Variants in ANKRD7 observed in about 807,000 individuals in gnomAD.
The protein encoded by ANKRD7 is ankyrin repeat domain-containing protein 7.
In ANKRD7, 30 loss-of-function variants were observed where a neutral mutation model predicts 30.8. That is an observed-to-expected ratio of 0.97 (90% CI 0.73 to 1.32). ANKRD7 has a LOEUF of 1.32. ANKRD7 is among the 40% of genes most tolerant of loss of function. The probability of loss-of-function intolerance (pLI) is 0.00; values close to 1 mark genes in which losing one functional copy is unlikely to be tolerated. For synonymous variants in ANKRD7, 97 were observed against 106.6 expected (o/e 0.91, Z 0.55); for missense variants, 264 against 295.7 (o/e 0.89, Z 0.79).
chr7:118,234,592 C>T (rs774528541), intron 2 of ANKRD7, 47 bp downstream of exon 2: 4 of 1,558,420 alleles, frequency 2.6e-6, no homozygotes, highest in South Asian at 1.2e-5. Context: ...TTGAGTTCTC[C>T]TAGTTAATTT....
At chr7:118,232,937 G>A (rs926396056) in intron 1 of ANKRD7, among the ~76,000 whole-genome samples, 4 of 151,982 alleles carry the variant, frequency 2.6e-5, no homozygotes. Flanking sequence ...ATCTTTGGTG[G>A]GCTTAAAGCT....
intron 5 of ANKRD7, among the ~76,000 whole-genome samples, chr7:118,239,012 A>G (rs1463475814): frequency 3.3e-5 from 5 of 152,124 alleles, no homozygotes; most frequent in Admixed American, 1.3e-4. Context: ...TAAAAAGGGG[A>G]GGTTAGAACA....
intron 1 of ANKRD7, among the ~76,000 whole-genome samples, chr7:118,225,346 G>A (rs2115989507): frequency 6.6e-6 from 1 of 152,166 alleles, no homozygotes; most frequent in South Asian, 2.1e-4. Context: ...AAATTAGTGG[G>A]GCGTGGTGGC....
intron 6 of ANKRD7, among the ~76,000 whole-genome samples, chr7:118,241,879 C>T (rs1809853909): frequency 6.6e-6 from 1 of 152,092 alleles, no homozygotes; most frequent in Non-Finnish European, 1.5e-5. Flanking sequence ...TTCCTCTTCT[C>T]CTGCACCTCT....
chr7:118,241,782 G>A (rs1420455782), intron 6 of ANKRD7, among the ~76,000 whole-genome samples: 2 of 151,826 alleles, frequency 1.3e-5, no homozygotes, highest in Non-Finnish European at 1.5e-5. Context: ...CAGGTGATCC[G>A]CCAGCCTCGG....
chr7:118,229,275 A>T lies in ANKRD7; in HGVS notation c.179+4266A>T, dbSNP rs796235560. Among the ~76,000 whole-genome samples, 13 of 151,966 alleles carry T rather than the reference A, an allele frequency of 8.6e-5. No homozygotes were observed. In the South Asian group the frequency reaches 1.0e-3, roughly 12 times the overall value. ...GTGAGGGCTTCCCTGGCTACTCTTT[A>T]CCTACAGTTGTACCCTTTCTCCTCA... On this transcript the variant is annotated intron_variant, in intron 1 of 6. Transcript: ENST00000265224.
Position 118,234,806 on chromosome 7 carries a change from T to G in ANKRD7, c.400T>G (p.Cys134Gly). 6 of 1,612,766 alleles carry G rather than the reference T, an allele frequency of 3.7e-6. No homozygotes were observed. The highest frequency in any genetic ancestry group is 5.1e-6 in the Non-Finnish European group (6 of 1,179,674). ...RYNTVLHYAVCGQSLSLVEKL... is the reference protein window; with the variant it reads ...RYNTVLHYAVGGQSLSLVEKL... ...TAATACTGTTCTTCACTATGCTGTT[T>G]GTGGTCAAAGTTTGTCATTAGTTGA... is the stretch of plus-strand genomic sequence containing the variant. Residue 134 changes from cysteine to glycine, a missense_variant, in exon 3 of 7, where the codon TGT becomes GGT. Coordinates refer to ENST00000265224, the MANE Select transcript of ANKRD7 (RefSeq NM_019644.4).
chr7:118,225,086 G>A, intron 1 of ANKRD7, 77 bp downstream of exon 1: 2 of 1,511,060 alleles, frequency 1.3e-6, no homozygotes. Context: ...ACAAGTGGGG[G>A]CTGTTTGACA....
chr7:118,226,784 G>A (rs1157127950), intron 1 of ANKRD7, among the ~76,000 whole-genome samples: 1 of 152,048 alleles, frequency 6.6e-6, no homozygotes. Context: ...TAGGCTACAT[G>A]TTTCATCTGC....
intron 1 of ANKRD7, 114 bp downstream of exon 1, chr7:118,225,123 G>C (rs1030624821): frequency 5.7e-6 from 7 of 1,219,684 alleles, no homozygotes; most frequent in Non-Finnish European, 8.0e-6. Context: ...GTTTCCCAAA[G>C]AAGAGAGATT....
intron 1 of ANKRD7, among the ~76,000 whole-genome samples, chr7:118,231,365 G>A (rs538200877): frequency 3.6e-4 from 55 of 152,092 alleles, no homozygotes; most frequent in African/African-American, 1.2e-3. Flanking sequence ...TAATAAAAAA[G>A]CCCTTAAGAT....
At position 118,224,753 on chromosome 7, in the gene ANKRD7, A is replaced by C. The variant is rs1809508865; in HGVS notation, c.-78A>C. Reference sequence around the variant, plus strand: ...TGGAGAGGGCTGCCGGCCGGATGCCAGGGCAGAGGGGCAGGGCGGACGGCT... The same window carrying C: ...TGGAGAGGGCTGCCGGCCGGATGCCCGGGCAGAGGGGCAGGGCGGACGGCT... On this transcript the variant is annotated 5_prime_UTR_variant, in exon 1 of 7. Transcript: ENST00000265224. 1 of 1,529,050 alleles carries C rather than the reference A, an allele frequency of 6.5e-7. No homozygotes were observed. 94.7% of individuals were successfully genotyped at this position (1,529,050 alleles called of 1,614,324 possible).
chr7:118,237,362 C>T lies in ANKRD7; in HGVS notation c.712+436C>T, dbSNP rs188197307. ...AGTGTTCAGAATTCTAAAGTACACT[C>T]TATTTACACCCAAAAGAAAAACTAT... On this transcript the variant is annotated intron_variant, in intron 5 of 6. Transcript: ENST00000265224. Among the ~76,000 whole-genome samples the T allele has an allele frequency of 2.6e-5, 4 of 152,204 alleles. No individual in the cohort carries two copies. In the South Asian group the frequency reaches 8.3e-4, roughly 32 times the overall value.
intron 1 of ANKRD7, among the ~76,000 whole-genome samples, chr7:118,232,971 A>G (rs748131358): frequency 6.6e-6 from 1 of 151,984 alleles, no homozygotes; most frequent in Non-Finnish European, 1.5e-5. Context: ...TTATGTTTGG[A>G]TTGAGGGCTC....
intron 1 of ANKRD7, 55 bp downstream of exon 1, chr7:118,225,064 A>G (rs1014944995): frequency 1.9e-6 from 3 of 1,588,412 alleles, no homozygotes; most frequent in African/African-American, 1.4e-5. Context: ...GGGTCGTTCA[A>G]CCAGAAATAA....
intron 3 of ANKRD7, among the ~76,000 whole-genome samples, chr7:118,235,611 C>CAAAA (rs776419798): frequency 4.1e-5 from 2 of 48,324 alleles, no homozygotes; most frequent in African/African-American, 7.3e-5. Flanking sequence ...GACTCTGTCT[C>CAAAA]AAAAAAAAAA....
rs114873942 is a variant in ANKRD7 at position 118,228,123 on chromosome 7, T to A, written c.179+3114T>A. ...ATTGTCTTTCAGAACACTGGGGCCA[T>A]CTGGCATTTCTCCTAATTCTGTGGA... is the stretch of plus-strand genomic sequence containing the variant. On this transcript the variant is annotated intron_variant, in intron 1 of 6. Coordinates refer to ENST00000265224, the MANE Select transcript of ANKRD7 (RefSeq NM_019644.4). The A allele has an allele frequency of 1.2e-3, 1,398 of 1,134,408 alleles. 15 individuals carry two copies. In the African/African-American group the frequency reaches 0.022, roughly 18 times the overall value. The allele number at this position is 1,134,408 out of a possible 1,614,324, so 70.3% of individuals were successfully genotyped here. A position where few individuals can be genotyped will look rare whatever the true frequency, so the allele number is the denominator to read the frequency against.
chr7:118,231,083 G>GT (rs1158283132), intron 1 of ANKRD7, among the ~76,000 whole-genome samples: 1 of 152,060 alleles, frequency 6.6e-6, no homozygotes, highest in African/African-American at 2.4e-5. Flanking sequence ...CAAGATCTGA[G>GT]TTTGAGGCCT....
chr7:118,224,773 A>G lies in ANKRD7; in HGVS notation c.-58A>G. The G allele has an allele frequency of 1.3e-6, 2 of 1,554,918 alleles. No individual in the cohort carries two copies. The highest frequency in any genetic ancestry group is 1.7e-6 in the Non-Finnish European group (2 of 1,155,004). On this transcript the variant is annotated 5_prime_UTR_variant, in exon 1 of 7. Transcript: ENST00000265224. ...ATGCCAGGGCAGAGGGGCAGGGCGG[A>G]CGGCTAGGAGTTCAAGAAACATCCT...
Sources: gnomAD v4.1 joint callset for allele counts (sites outside exome capture counted in the v4.1 genomes callset) on GRCh38, gnomAD v4.1.1 for gene constraint, MANE v1.5 for transcripts, NCBI Gene and HGNC (gene_info 2026-07-23, HGNC 2026-07-21) for gene names.